NUP58: variants seen among roughly 807,000 people sequenced by gnomAD.
NUP58 encodes the protein nucleoporin p58/p45.
NUP58 carries 17 observed loss-of-function variants against 70.1 expected under a neutral mutation model. The ratio of observed to expected loss-of-function variants is 0.24; its 90% CI spans 0.17 to 0.36. The LOEUF (loss-of-function observed/expected upper bound fraction) is 0.36. NUP58 is among the 10% of genes least tolerant of loss of function. The pLI is 1.00. For synonymous variants in NUP58, 275 were observed against 257.6 expected (o/e 1.07, Z -0.65); for missense variants, 644 against 701.5 (o/e 0.92, Z 0.93).
chr13:25,331,458 A>T lies in NUP58; in HGVS notation c.1335A>T (p.Thr445=). The part of the protein sequence containing the change: ...RRAEAKKWQN[T]PRVTTGPTPF... Reference sequence around the variant, plus strand: ...CAGAAGCCAAGAAGTGGCAGAACACACCCAGAGTTACTACTGGACCCACTC... The same window carrying T: ...CAGAAGCCAAGAAGTGGCAGAACACTCCCAGAGTTACTACTGGACCCACTC... Residue 445 remains threonine, a synonymous_variant, in exon 13 of 16, where the codon ACA becomes ACT. Coordinates refer to ENST00000381736, the MANE Select transcript of NUP58 (RefSeq NM_014089.4). The T allele has an allele frequency of 1.9e-6, 3 of 1,614,180 alleles. No individual in the cohort carries two copies.
At chr13:25,348,956 T>C (rs2032078876) in intron 3 of NUP58, among the ~76,000 whole-genome samples, 1 of 152,172 alleles carries the variant, frequency 6.6e-6, no homozygotes, top group Admixed American at 6.5e-5. Context: ...ACCAAGACCA[T>C]TCCCGAACAC....
chr13:25,307,499 C>G (rs1160575751), intron 1 of NUP58, among the ~76,000 whole-genome samples: 1 of 152,142 alleles, frequency 6.6e-6, no homozygotes, highest in Non-Finnish European at 1.5e-5. Flanking sequence ...CAGGCATGAG[C>G]CACCACACCC....
chr13:25,319,355 G>A lies in NUP58; in HGVS notation c.710+5G>A. On this transcript the variant is annotated splice_donor_5th_base_variant and intron_variant, in intron 7 of 15. Transcript: ENST00000381736. The stretch of plus-strand genomic sequence containing the variant: ...TAAAACGGGAACAAGACCAGAGTAA[G>A]TTTACAAATTTACCCTTAAGGCATT... 6.2e-7 allele frequency: 1 copy of A among 1,611,854 alleles called. No homozygotes were observed.
At chr13:25,333,526 A>C in intron 13 of NUP58, 1 of 985,284 alleles carries the variant, frequency 1.0e-6, no homozygotes, top group Non-Finnish European at 1.2e-6. Context: ...TTCGCTTTGA[A>C]TTGTATGAAT....
Position 25,321,069 on chromosome 13 carries a change from C to G in NUP58, c.927C>G (p.Asp309Glu). 1.3e-6 allele frequency: 2 copies of G among 1,587,472 alleles called. No homozygotes were observed. Among genetic ancestry groups the G allele is most frequent in the Non-Finnish European group, 1.7e-6 (2 of 1,171,840 alleles). The stretch of plus-strand genomic sequence containing the variant: ...TACAGAGAAACACTCTCAACATTGA[C>G]AAATTGAAAATAGAAACTGCTCAGG... The part of the protein sequence containing the change: ...NGIQRNTLNI[D>E]KLKIETAQEL... The change falls in exon 9 of 16, where the codon GAC becomes GAG. Residue 309 changes from aspartate (D) to glutamate (E), a missense_variant. By Grantham distance (45) the Asp-to-Glu change is conservative. This residue lies in a region of NUP58 where 430 missense variants were observed against 409.2 expected (regional missense o/e 1.05). Coordinates refer to ENST00000381736, the MANE Select transcript of NUP58 (RefSeq NM_014089.4).
At chr13:25,309,390 A>G (rs1333045866) in intron 3 of NUP58, 108 bp downstream of exon 3, 4 of 870,850 alleles carry the variant, frequency 4.6e-6, no homozygotes, top group Middle Eastern at 3.5e-4. Flanking sequence ...GAGCTGGAGT[A>G]TAGAAAAAAG....
chr13:25,346,931 C>G (rs927163252), downstream of NUP58, among the ~76,000 whole-genome samples: 1 of 152,074 alleles, frequency 6.6e-6, no homozygotes, highest in African/African-American at 2.4e-5. Flanking sequence ...TAACACTTCA[C>G]CCTCCAGAGG....
intron 3 of NUP58, among the ~76,000 whole-genome samples, chr13:25,310,206 ATTTTTTTTTTTTTTTT>A (rs796547133): frequency 1.1e-4 from 5 of 47,484 alleles, no homozygotes; most frequent in East Asian, 6.2e-4. Flanking sequence ...CCCTTGGCTA[ATTTTTTTTTTTTTTTT>A]TTTTTTTTTT....
intron 3 of NUP58, among the ~76,000 whole-genome samples, chr13:25,349,050 A>G (rs982562259): frequency 6.6e-6 from 1 of 151,942 alleles, no homozygotes; most frequent in African/African-American, 2.4e-5. Context: ...TCCTTCTCTA[A>G]CTACCCCCGA....
At chr13:25,326,199 G>C (rs890224306) in intron 10 of NUP58, among the ~76,000 whole-genome samples, 1 of 152,122 alleles carries the variant, frequency 6.6e-6, no homozygotes, top group Non-Finnish European at 1.5e-5. Context: ...CTTCCTCACT[G>C]GACTTCCTCT....
Position 25,315,382 on chromosome 13 carries a change from G to T in NUP58, c.600G>T (p.Leu200Phe). 6.2e-7 allele frequency: 1 copy of T among 1,613,792 alleles called. No individual in the cohort carries two copies. Among genetic ancestry groups the T allele is most frequent in the South Asian group, 1.1e-5 (1 of 91,066 alleles). The change falls in exon 6 of 16, where the codon TTG becomes TTT. Residue 200 changes from leucine to phenylalanine, a missense_variant. This residue lies in a region of NUP58 where 430 missense variants were observed against 409.2 expected (regional missense o/e 1.05). Transcript: ENST00000381736. Reference protein sequence around the residue: ...TSGLGQNALGLTLGTTAATST... With the variant: ...TSGLGQNALGFTLGTTAATST... ...GACTTGGACAGAATGCTTTAGGGTT[G>T]ACTTTGGGAACTACAGCAGCTACTT...
At chr13:25,319,867 C>G (rs1055991450) in intron 7 of NUP58, among the ~76,000 whole-genome samples, 1 of 152,036 alleles carries the variant, frequency 6.6e-6, no homozygotes, top group Non-Finnish European at 1.5e-5. Flanking sequence ...CAAATTCACT[C>G]CTTACAAACA....
At chr13:25,313,544 G>T in intron 4 of NUP58, 70 bp from the exon 5 acceptor site, 1 of 1,316,656 alleles carries the variant, frequency 7.6e-7, no homozygotes, top group Non-Finnish European at 1.0e-6. Flanking sequence ...TAAAAACATC[G>T]TATTTGTATT....
chr13:25,313,795 TTAAATG>T, intron 5 of NUP58, 44 bp downstream of exon 5: 9 of 1,410,594 alleles, frequency 6.4e-6, no homozygotes, highest in Non-Finnish European at 8.4e-6. Flanking sequence ...ATATTTATAT[TTAAATG>T]TACTTATTTT....
chr13:25,307,211 ATTTTTT>A (rs72132780), intron 1 of NUP58, among the ~76,000 whole-genome samples: 3 of 98,606 alleles, frequency 3.0e-5, no homozygotes, highest in African/African-American at 7.6e-5. Context: ...CTGGTATTGT[ATTTTTT>A]TTTTTTTTTT....
intron 1 of NUP58, among the ~76,000 whole-genome samples, chr13:25,307,128 A>G (rs1467919708): frequency 6.6e-6 from 1 of 152,094 alleles, no homozygotes; most frequent in Admixed American, 6.6e-5. Flanking sequence ...TGAAAGCAGA[A>G]TAATTGTGAT....
chr13:25,331,918 C>CA (rs2031621559), intron 13 of NUP58: 4 of 1,064,012 alleles, frequency 3.8e-6, no homozygotes, highest in Non-Finnish European at 3.4e-6. Context: ...AGAGATCATC[C>CA]ATCCATTCTT....
intron 7 of NUP58, among the ~76,000 whole-genome samples, chr13:25,320,031 C>T (rs1288502868): frequency 5.3e-5 from 8 of 152,094 alleles, no homozygotes; most frequent in Non-Finnish European, 1.2e-4. Flanking sequence ...CCTGTAAGCT[C>T]TGCCTAGGTC....
In NUP58 at chr13:25,342,022, A is replaced by T. The variant is rs531261299; in HGVS notation, c.*1888A>T. ...CAGTGGTTGGCTTTTTTGAATTGAA[A>T]TTTTTGCGCATTGATGCATTGAAAT... On this transcript the variant is annotated 3_prime_UTR_variant, in exon 16 of 16. Coordinates refer to ENST00000381736, the MANE Select transcript of NUP58 (RefSeq NM_014089.4). The T allele has an allele frequency of 2.6e-5, 4 of 152,192 alleles. No homozygotes were observed. The highest frequency in any genetic ancestry group is 2.0e-4 in the Admixed American group (3 of 15,288). 9.4% of individuals were successfully genotyped at this position (152,192 alleles called of 1,614,324 possible). A position where few individuals can be genotyped will look rare whatever the true frequency, so the allele number is the denominator to read the frequency against.
Sources: allele counts gnomAD v4.1 joint callset (sites outside exome capture counted in the v4.1 genomes callset), GRCh38; gene constraint gnomAD v4.1.1; regional missense constraint gnomAD v4.1.1; transcripts MANE v1.5; gene names NCBI Gene and HGNC (gene_info 2026-07-23, HGNC 2026-07-21).